Variants in DPH6 observed in about 807,000 individuals in gnomAD.
The protein encoded by DPH6 is diphthamine biosynthesis 6.
DPH6 carries 33 observed loss-of-function variants against 38.2 expected under a neutral mutation model. That is an observed-to-expected ratio of 0.86 (90% CI 0.65 to 1.15). DPH6 has a LOEUF of 1.15. DPH6 is among the 50% of genes most tolerant of loss of function. The probability of loss-of-function intolerance (pLI) is 0.00; values close to 1 mark genes in which losing one functional copy is unlikely to be tolerated. For missense variants in DPH6, 325 were observed against 320.0 expected (o/e 1.02, Z -0.12); for synonymous variants, 108 against 103.0 (o/e 1.05, Z -0.30).
At chr15:35,348,597 C>A (rs773320239) in intron 3 of DPH6, among the ~76,000 whole-genome samples, 6 of 151,864 alleles carry the variant, frequency 4.0e-5, no homozygotes, top group Admixed American at 2.6e-4. Context: ...GCTTTGTTTT[C>A]GTTATTGAAA....
intron 3 of DPH6, among the ~76,000 whole-genome samples, chr15:35,365,502 T>C (rs921017764): frequency 6.6e-6 from 1 of 152,036 alleles, no homozygotes; most frequent in African/African-American, 2.4e-5. Flanking sequence ...TTTTATTTCT[T>C]AAAACAACAA....
chr15:35,291,041 T>C (rs941379925), intron 3 of DPH6, among the ~76,000 whole-genome samples: 1 of 152,046 alleles, frequency 6.6e-6, no homozygotes, highest in African/African-American at 2.4e-5. Context: ...TTCAAAGAAG[T>C]GAATGCAGGA....
chr15:35,498,830 G>A (rs1019961195), intron 3 of DPH6, among the ~76,000 whole-genome samples: 1 of 150,974 alleles, frequency 6.6e-6, no homozygotes, highest in Non-Finnish European at 1.5e-5. Flanking sequence ...ATCTTAAACC[G>A]GGTGCAGCTG....
rs578030704 is a variant in DPH6 at position 35,412,119 on chromosome 15, A to G, written c.506-1223T>C. ...TGCAAAGAACATCTGATAAAGGACT[A>G]TTATCTAATATATACAAAGAACTCT... On this transcript the variant is annotated intron_variant, in intron 5 of 8. Transcript: ENST00000256538. Among the ~76,000 whole-genome samples, 154 of 151,794 alleles carry G rather than the reference A, an allele frequency of 1.0e-3. 1 individual carries two copies. The highest frequency in any genetic ancestry group is 3.6e-3 in the African/African-American group (149 of 41,514).
intron 2 of DPH6, among the ~76,000 whole-genome samples, chr15:35,540,191 T>C (rs2055232278): frequency 6.6e-6 from 1 of 152,110 alleles, no homozygotes; most frequent in South Asian, 2.1e-4. Flanking sequence ...ATTGTAACTT[T>C]GATTAATGGA....
At position 35,404,027 on chromosome 15, in the gene DPH6, T is replaced by A. The variant is rs1218125487; in HGVS notation, c.567+6808A>T. The stretch of plus-strand genomic sequence containing the variant: ...TTCACTTAACATAATCACCTCCAGT[T>A]CCATCCATGTTGCTGCAAATGACAG... On this transcript the variant is annotated intron_variant, in intron 6 of 8. Coordinates refer to ENST00000256538, the MANE Select transcript of DPH6 (RefSeq NM_080650.4). 2.6e-5 allele frequency among the ~76,000 whole-genome samples: 4 copies of A among 152,140 alleles called. No homozygotes were observed. The East Asian group carries it at 7.7e-4, about 29-fold the overall frequency.
chr15:35,473,527 A>G (rs16961055), intron 3 of DPH6, among the ~76,000 whole-genome samples: 3,684 of 152,244 alleles, frequency 0.024, 141 homozygotes, highest in African/African-American at 0.079. Flanking sequence ...TTCATGAAAA[A>G]TCAGACTGTC....
Position 35,272,546 on chromosome 15 carries a change from A to G in DPH6, n.201-51964T>C, listed in dbSNP as rs183123565. 4.6e-5 allele frequency among the ~76,000 whole-genome samples: 7 copies of G among 152,152 alleles called. No individual in the cohort carries two copies. The East Asian group carries it at 1.4e-3, about 29-fold the overall frequency. ...TTTGGGTCATGGGGGTGGATCCCTC[A>G]TGAATAGCTTGGAACCTCACAATAA... On this transcript the variant is annotated intron_variant and non_coding_transcript_variant, in intron 3 of 3. Transcript: ENST00000560386.
chr15:35,368,248 G>A (rs1322956963), downstream of DPH6, among the ~76,000 whole-genome samples: 2 of 151,750 alleles, frequency 1.3e-5, no homozygotes, highest in East Asian at 3.9e-4. Flanking sequence ...AAGGAAAGCC[G>A]GTAAGACAGA....
intron 5 of DPH6, among the ~76,000 whole-genome samples, chr15:35,442,939 C>T (rs768729911): frequency 3.3e-5 from 5 of 152,264 alleles, no homozygotes; most frequent in African/African-American, 1.2e-4. Context: ...TTGGGGAACA[C>T]AAATTCTAAA....
At chr15:35,257,193 T>A (rs912491689) in intron 3 of DPH6, among the ~76,000 whole-genome samples, 1 of 152,166 alleles carries the variant, frequency 6.6e-6, no homozygotes, top group Non-Finnish European at 1.5e-5. Flanking sequence ...AGAAAAATAA[T>A]AAATAGGTAA....
At chr15:35,339,974 G>A (rs752856784) in intron 3 of DPH6, among the ~76,000 whole-genome samples, 12 of 152,144 alleles carry the variant, frequency 7.9e-5, no homozygotes, top group Admixed American at 1.3e-4. Flanking sequence ...AATATTGTCA[G>A]TGGGGTGTTA....
intron 3 of DPH6, among the ~76,000 whole-genome samples, chr15:35,458,635 T>G (rs2054025954): frequency 6.6e-6 from 1 of 152,166 alleles, no homozygotes; most frequent in Non-Finnish European, 1.5e-5. Context: ...AGAGAATGGC[T>G]ACTACCATAA....
intron 3 of DPH6, among the ~76,000 whole-genome samples, chr15:35,278,738 C>T (rs1376567781): frequency 6.6e-6 from 1 of 152,114 alleles, no homozygotes; most frequent in East Asian, 1.9e-4. Flanking sequence ...CCCCTGAATG[C>T]AGGACATTAA....
chr15:35,441,712 T>C (rs574837042), intron 5 of DPH6, among the ~76,000 whole-genome samples: 31 of 152,252 alleles, frequency 2.0e-4, no homozygotes, highest in Admixed American at 1.8e-3. Context: ...CTAATGTAGA[T>C]GATGGGTTGA....
chr15:35,190,369 G>A, the DPH6 span, among the ~76,000 whole-genome samples: 2 of 152,238 alleles, frequency 1.3e-5, no homozygotes, highest in African/African-American at 4.8e-5. Flanking sequence ...TTAAGGATAA[G>A]TTGGTGGGTA....
chr15:35,484,632 G>C lies in DPH6; in HGVS notation c.313-29812C>G, dbSNP rs558995723. Reference sequence around the variant, plus strand: ...TTTCCCTCAAGGTGAGTGGGCAAGAGAGCAGGAGAGAATGCATACAAGACA... The same window carrying C: ...TTTCCCTCAAGGTGAGTGGGCAAGACAGCAGGAGAGAATGCATACAAGACA... On this transcript the variant is annotated intron_variant, in intron 3 of 8. Transcript: ENST00000256538. Among the ~76,000 whole-genome samples the C allele has an allele frequency of 3.9e-5, 6 of 152,310 alleles. No individual in the cohort carries two copies. The South Asian group carries it at 1.2e-3, about 32-fold the overall frequency.
the DPH6 span, among the ~76,000 whole-genome samples, chr15:35,145,851 T>C: frequency 1.3e-5 from 2 of 152,230 alleles, no homozygotes; most frequent in Non-Finnish European, 2.9e-5. Flanking sequence ...TCTATCTACA[T>C]TGTTTTGAGG....
intron 5 of DPH6, among the ~76,000 whole-genome samples, chr15:35,424,509 A>G (rs1490546884): frequency 6.6e-6 from 1 of 151,280 alleles, no homozygotes; most frequent in Non-Finnish European, 1.5e-5. Context: ...AGTAGAAATA[A>G]TTTTGCTTTC....
Sources: allele counts gnomAD v4.1 joint callset (sites outside exome capture counted in the v4.1 genomes callset), GRCh38; gene constraint gnomAD v4.1.1; transcripts MANE v1.5; gene names NCBI Gene and HGNC (gene_info 2026-07-23, HGNC 2026-07-21).